Variants in ERI3 observed in about 807,000 individuals in gnomAD.
ERI3 encodes the protein ERI1 exoribonuclease family member 3.
ERI3 carries 18 observed loss-of-function variants against 44.4 expected under a neutral mutation model. The observed-to-expected ratio is 0.41, with a 90% CI of 0.28 to 0.60. The LOEUF is 0.60. ERI3 is among the 20% of genes least tolerant of loss of function. The probability of loss-of-function intolerance (pLI) is 0.36; values close to 1 mark genes in which losing one functional copy is unlikely to be tolerated. For missense variants in ERI3, 294 were observed against 435.5 expected, an observed-to-expected ratio of 0.68 and a Z score of 2.89; for synonymous variants, 183 against 164.8, an observed-to-expected ratio of 1.11 and a Z score of -0.84.
intron 6 of ERI3, 25 bp from the exon 7 acceptor site, chr1:44,284,932 C>T: frequency 6.2e-7 from 1 of 1,606,412 alleles, no homozygotes; most frequent in Non-Finnish European, 8.5e-7. Flanking sequence ...GAAGAGAGAA[C>T]AAGTTGGGCG....
chr1:44,347,913 C>G (rs1054918296), intron 2 of ERI3, among the ~76,000 whole-genome samples: 3 of 150,266 alleles, frequency 2.0e-5, no homozygotes, highest in African/African-American at 7.4e-5. Flanking sequence ...GTGTTTTAAT[C>G]TAAACTGTGC....
rs1007596120 is a variant in ERI3 at position 44,298,642 on chromosome 1, C to T, written c.758+9668G>A. On this transcript the variant is annotated intron_variant, in intron 6 of 8. Transcript: ENST00000372257. ...AAAGAAGTCAGACACAGGTCGGGTG[C>T]GGTGTCTCATGCCTGTAATCTCAGC... is the stretch of plus-strand genomic sequence containing the variant. Among the ~76,000 whole-genome samples, 4 of 152,116 alleles carry T rather than the reference C, an allele frequency of 2.6e-5. No homozygotes were observed. The South Asian group carries it at 6.2e-4, about 24-fold the overall frequency.
intron 8 of ERI3, among the ~76,000 whole-genome samples, chr1:44,231,027 T>C (rs1368144487): frequency 6.6e-6 from 1 of 152,256 alleles, no homozygotes; most frequent in Non-Finnish European, 1.5e-5. Flanking sequence ...ATGAGATATC[T>C]TGGGGATGGG....
chr1:44,282,914 C>G lies in ERI3; in HGVS notation c.831+1921G>C, dbSNP rs577061942. ...TCTGGGCAGCCTGCCTTTACCCCCA[C>G]CCTTTGGGCCAGCAGCACCAAGGTG... is the stretch of plus-strand genomic sequence containing the variant. On this transcript the variant is annotated intron_variant, in intron 7 of 8. Coordinates refer to ENST00000372257, the MANE Select transcript of ERI3 (RefSeq NM_024066.3). Among the ~76,000 whole-genome samples the G allele has an allele frequency of 3.9e-5, 6 of 152,350 alleles. No homozygotes were observed. The South Asian group carries it at 1.2e-3, about 32-fold the overall frequency.
rs776000347 is a variant in ERI3 at position 44,241,891 on chromosome 1, C to T, written c.931+6048G>A. 1,190 of 942,588 alleles carry T rather than the reference C, an allele frequency of 1.3e-3. 2 individuals are homozygous for T. The highest frequency in any genetic ancestry group is 1.4e-3 in the Non-Finnish European group (1,118 of 790,658). 58.4% of individuals were successfully genotyped at this position (942,588 alleles called of 1,614,324 possible). The stretch of plus-strand genomic sequence containing the variant: ...CCATCCATCTGTCCATCAACTCACC[C>T]ACCCATCTAGTCCATCAACTCACCC... On this transcript the variant is annotated intron_variant, in intron 8 of 8. Coordinates refer to ENST00000372257, the MANE Select transcript of ERI3 (RefSeq NM_024066.3). This position sits in a 1 kb window ranked among gnomAD's most constrained non-coding sequence, Gnocchi z 5.6.
At chr1:44,310,843 C>T (rs1222630743) in intron 5 of ERI3, among the ~76,000 whole-genome samples, 9 of 151,912 alleles carry the variant, frequency 5.9e-5, no homozygotes, top group Admixed American at 1.3e-4. Context: ...AGTCTGTACA[C>T]CAGAAAATCC....
chr1:44,276,495 T>C (rs1469144629), intron 7 of ERI3, among the ~76,000 whole-genome samples: 1 of 152,206 alleles, frequency 6.6e-6, no homozygotes, highest in African/African-American at 2.4e-5. Flanking sequence ...TTTGATTCCT[T>C]ATTCATAATA....
intron 1 of ERI3, chr1:44,353,790 T>C: frequency 2.0e-6 from 2 of 985,396 alleles, no homozygotes; most frequent in Non-Finnish European, 2.4e-6. Context: ...TAATTTGGAG[T>C]GCTTAAGTTG....
chr1:44,292,772 C>CTG (rs1645535461), intron 6 of ERI3, among the ~76,000 whole-genome samples: 1 of 152,214 alleles, frequency 6.6e-6, no homozygotes, highest in African/African-American at 2.4e-5. Context: ...CTGCAGGTTA[C>CTG]AATTCCAACC....
intron 6 of ERI3, among the ~76,000 whole-genome samples, chr1:44,306,736 T>C (rs967187765): frequency 6.6e-6 from 1 of 152,226 alleles, no homozygotes; most frequent in Non-Finnish European, 1.5e-5. Flanking sequence ...ATGTCTGTGT[T>C]TGGAAGGTGA....
At chr1:44,315,603 T>C (rs1646071722) in intron 4 of ERI3, among the ~76,000 whole-genome samples, 1 of 152,204 alleles carries the variant, frequency 6.6e-6, no homozygotes, top group African/African-American at 2.4e-5. Context: ...GGGAGGAGCC[T>C]AGTGAGGTCA....
chr1:44,290,372 A>T (rs1645480636), intron 6 of ERI3, among the ~76,000 whole-genome samples: 1 of 152,206 alleles, frequency 6.6e-6, no homozygotes, highest in Admixed American at 6.5e-5. Flanking sequence ...GCCAGTTGGA[A>T]GATCCTGCCA....
At chr1:44,234,789 G>A (rs1379703560) in intron 8 of ERI3, among the ~76,000 whole-genome samples, 1 of 151,982 alleles carries the variant, frequency 6.6e-6, no homozygotes, top group African/African-American at 2.4e-5. Context: ...TGTTGCCCAG[G>A]CTGGAGTGCA....
intron 7 of ERI3, among the ~76,000 whole-genome samples, chr1:44,261,285 A>C (rs1313486208): frequency 6.6e-6 from 1 of 152,284 alleles, no homozygotes; most frequent in Admixed American, 6.5e-5. Flanking sequence ...CAGGGCGCAC[A>C]GCGCGGAGGA....
At chr1:44,337,297 G>A (rs1646554140) in intron 3 of ERI3, among the ~76,000 whole-genome samples, 1 of 152,210 alleles carries the variant, frequency 6.6e-6, no homozygotes, top group Admixed American at 6.5e-5. Flanking sequence ...ACAGAGATGT[G>A]TTAGATTTTA....
At chr1:44,243,574 C>G (rs1272551439) in intron 8 of ERI3, 1 of 152,186 alleles carries the variant, frequency 6.6e-6, no homozygotes, top group East Asian at 1.9e-4. Flanking sequence ...GAGGAGGTGG[C>G]CCCTGGAAGA....
intron 3 of ERI3, among the ~76,000 whole-genome samples, chr1:44,337,542 C>G (rs1464473042): frequency 6.6e-6 from 1 of 152,180 alleles, no homozygotes; most frequent in Non-Finnish European, 1.5e-5. Context: ...GCTTGAGTAG[C>G]TCCCAAGCTG....
At position 44,228,717 on chromosome 1, in the gene ERI3, G is replaced by A. The variant is rs1644106707; in HGVS notation, c.932-7077C>T. Among the ~76,000 whole-genome samples the A allele has an allele frequency of 6.6e-6, 1 of 152,150 alleles. No homozygotes were observed. The highest frequency in any genetic ancestry group is 2.4e-5 in the African/African-American group (1 of 41,432). On this transcript the variant is annotated intron_variant, in intron 8 of 8. Coordinates refer to ENST00000372257, the MANE Select transcript of ERI3 (RefSeq NM_024066.3). This position sits in a 1 kb window ranked among gnomAD's most constrained non-coding sequence, Gnocchi z 4.3. ...AGGGGGGGATGTGCCTGGCCGGGAG[G>A]GCACAGTGCCTGGAAACCCCTTTGC...
At chr1:44,310,960 C>T (rs1169432249) in intron 5 of ERI3, among the ~76,000 whole-genome samples, 3 of 81,790 alleles carry the variant, frequency 3.7e-5, no homozygotes, top group African/African-American at 5.0e-5. Context: ...ATCGCGCGCG[C>T]GCGCACACAC....
Sources: allele counts gnomAD v4.1 joint callset (sites outside exome capture counted in the v4.1 genomes callset), GRCh38; gene constraint gnomAD v4.1.1; non-coding constraint Gnocchi (gnomAD v3.1); transcripts MANE v1.5; gene names NCBI Gene and HGNC (gene_info 2026-07-23, HGNC 2026-07-21).